The following OR7C1 variants were observed in gnomAD, a reference collection of about 807,000 sequenced individuals.
OR7C1 encodes olfactory receptor 7C1.
For synonymous variants in OR7C1, 152 were observed against 160.7 expected (o/e 0.95, Z 0.41); for missense variants, 324 against 383.3 (o/e 0.85, Z 1.29).
intron 2 of OR7C1, among the ~76,000 whole-genome samples, chr19:14,801,437 C>T (rs2044641260): frequency 6.6e-6 from 1 of 152,056 alleles, no homozygotes; most frequent in Non-Finnish European, 1.5e-5. Flanking sequence ...CACTGGAAAG[C>T]CAGTCAGACA....
intron 1 of OR7C1, chr19:14,821,296 C>G (rs2044740029): frequency 6.6e-6 from 1 of 152,212 alleles, no homozygotes; most frequent in South Asian, 2.1e-4. Context: ...GGAATAGATA[C>G]AGGAATAACA....
intron 1 of OR7C1, among the ~76,000 whole-genome samples, chr19:14,812,292 G>C (rs990250947): frequency 6.6e-6 from 1 of 152,152 alleles, no homozygotes; most frequent in Non-Finnish European, 1.5e-5. Flanking sequence ...CTCAGTACCT[G>C]TTTTAAGAAA....
At chr19:14,800,511 G>T (rs2147643713) in intron 3 of OR7C1, 22 bp downstream of exon 3, 1 of 176,408 alleles carries the variant, frequency 5.7e-6, no homozygotes, top group East Asian at 1.6e-4. Flanking sequence ...AGTGATATAG[G>T]AGTTAAGAAA....
intron 1 of OR7C1, among the ~76,000 whole-genome samples, chr19:14,819,767 TC>T (rs1360715146): frequency 6.6e-6 from 1 of 152,260 alleles, no homozygotes; most frequent in Non-Finnish European, 1.5e-5. Flanking sequence ...GTTGTTTTCT[TC>T]CACTGCTTTA....
chr19:14,811,504 A>C (rs1336273392), intron 1 of OR7C1, among the ~76,000 whole-genome samples: 1 of 151,930 alleles, frequency 6.6e-6, no homozygotes, highest in Non-Finnish European at 1.5e-5. Flanking sequence ...CAGGATGCCT[A>C]ATTGTATCTG....
chr19:14,801,662 C>T (rs555343577), intron 2 of OR7C1, among the ~76,000 whole-genome samples: 212 of 152,218 alleles, frequency 1.4e-3, no homozygotes, highest in Non-Finnish European at 2.5e-3. Context: ...AAGAACTACC[C>T]GAGACTGGGT....
intron 1 of OR7C1, among the ~76,000 whole-genome samples, chr19:14,815,674 A>G (rs1006610334): frequency 6.6e-6 from 1 of 152,182 alleles, no homozygotes; most frequent in Non-Finnish European, 1.5e-5. Context: ...TTTAGAAGGG[A>G]AAAACAATTT....
At position 14,799,156 on chromosome 19, in the gene OR7C1, T is replaced by C. The variant is rs142497883; in HGVS notation, c.*18A>G. 2,285 of 1,572,024 alleles carry C rather than the reference T, an allele frequency of 1.5e-3. 36 individuals are homozygous for C. In the African/African-American group the frequency reaches 0.028, roughly 19 times the overall value. ...AAGAACCACCAAAAGTGCCTCCCAA[T>C]GGTCCAAGCCTTGCTACTTATGAAA... is the stretch of plus-strand genomic sequence containing the variant. On this transcript the variant is annotated 3_prime_UTR_variant, in exon 5 of 5. Coordinates refer to ENST00000641666, the Ensembl canonical transcript of OR7C1.
exon 5 of OR7C1, chr19:14,799,880 A>G: frequency 6.2e-7 from 1 of 1,614,230 alleles, no homozygotes; most frequent in Non-Finnish European, 8.5e-7. Flanking sequence ...GTTCTGTGTC[A>G]GTATATTCAG....
intron 1 of OR7C1, among the ~76,000 whole-genome samples, chr19:14,811,414 T>C (rs1219173699): frequency 1.3e-5 from 2 of 151,932 alleles, no homozygotes; most frequent in South Asian, 2.1e-4. Flanking sequence ...TGTGTGTGTT[T>C]TCTCCTGTGC....
chr19:14,808,150 A>G (rs1005728284), intron 2 of OR7C1, among the ~76,000 whole-genome samples: 4 of 151,822 alleles, frequency 2.6e-5, no homozygotes, highest in African/African-American at 4.8e-5. Context: ...GAGAAAAGGG[A>G]CTGCTTATGT....
chr19:14,816,971 C>T (rs564038365), intron 1 of OR7C1, among the ~76,000 whole-genome samples: 2 of 152,138 alleles, frequency 1.3e-5, no homozygotes, highest in Admixed American at 6.5e-5. Context: ...CAGACACTTA[C>T]GGGTTAGTAA....
chr19:14,820,670 C>T (rs972898532), intron 1 of OR7C1, among the ~76,000 whole-genome samples: 11 of 152,110 alleles, frequency 7.2e-5, no homozygotes, highest in African/African-American at 2.4e-4. Flanking sequence ...TAGATCTTAC[C>T]TTGTAATGGA....
chr19:14,799,127 A>T (rs750904189), exon 5 of OR7C1: 1 of 1,543,344 alleles, frequency 6.5e-7, no homozygotes, highest in African/African-American at 1.4e-5. Context: ...GTTTGGATAC[A>T]TTCAAGAACC....
At chr19:14,815,804 T>TGTGTGTGTGTGTGTCTGTGTCTGG (rs2044713572) in intron 1 of OR7C1, among the ~76,000 whole-genome samples, 1 of 151,624 alleles carries the variant, frequency 6.6e-6, no homozygotes, top group African/African-American at 2.4e-5. Context: ...TGTGTGTGTG[T>TGTGTGTGTGTGTGTCTGTGTCTGG]GTGTGTGTGT....
At chr19:14,804,472 A>C (rs10426371) in intron 2 of OR7C1, among the ~76,000 whole-genome samples, 4 of 150,172 alleles carry the variant, frequency 2.7e-5, no homozygotes, top group African/African-American at 1.0e-4. Flanking sequence ...TCGCCACACT[A>C]TAATATTCAA....
chr19:14,828,116 G>A (rs1599924450), intron 1 of OR7C1: 2 of 1,614,144 alleles, frequency 1.2e-6, no homozygotes, highest in Non-Finnish European at 8.5e-7. Context: ...TGATGAGCAG[G>A]TTCCCGAGCA....
At position 14,798,851 on chromosome 19, in the gene OR7C1, G is replaced by C. The variant is rs372744252; in HGVS notation, c.*323C>G. On this transcript the variant is annotated 3_prime_UTR_variant, in exon 5 of 5. Coordinates refer to ENST00000641666, the Ensembl canonical transcript of OR7C1. ...GGAGCCTCCATGTTGAACATGACTG[G>C]TCCCCAGCTAGCCCTTTTCTATTGG... is the stretch of plus-strand genomic sequence containing the variant. 5 of 215,636 alleles carry C rather than the reference G, an allele frequency of 2.3e-5. No homozygotes were observed. In the East Asian group the frequency reaches 4.7e-4, roughly 20 times the overall value. 13.4% of individuals were successfully genotyped at this position (215,636 alleles called of 1,614,324 possible).
chr19:14,810,753 A>C (rs1399595802), intron 1 of OR7C1, among the ~76,000 whole-genome samples: 1 of 151,836 alleles, frequency 6.6e-6, no homozygotes, highest in Admixed American at 6.6e-5. Context: ...ATTCTGGAGA[A>C]AAATTAATGG....
Sources: allele counts gnomAD v4.1 joint callset (sites outside exome capture counted in the v4.1 genomes callset), GRCh38; gene constraint gnomAD v4.1.1; transcripts MANE v1.5; gene names NCBI Gene and HGNC (gene_info 2026-07-23, HGNC 2026-07-21).